ARHGEF15: variants seen among roughly 807,000 people sequenced by gnomAD.
ARHGEF15 encodes Rho guanine nucleotide exchange factor 15, also known as Rho guanine nucleotide exchange factor (GEF) 15.
ARHGEF15 carries 58 observed loss-of-function variants against 79.7 expected under a neutral mutation model. That is an observed-to-expected ratio of 0.73 (90% CI 0.59 to 0.91). ARHGEF15 has a LOEUF of 0.91. ARHGEF15 is among the 40% of genes least tolerant of loss of function. ARHGEF15 has a pLI of 0.00. For synonymous variants in ARHGEF15, 442 were observed against 456.0 expected, an observed-to-expected ratio of 0.97 and a Z score of 0.39; for missense variants, 1,012 against 1,108.1, an observed-to-expected ratio of 0.91 and a Z score of 1.23.
rs1457840370 is a variant in ARHGEF15 at position 8,315,563 on chromosome 17, A to G, written c.1410A>G (p.Gly470=). The G allele has an allele frequency of 6.2e-7, 1 of 1,608,686 alleles. No homozygotes were observed. The highest frequency in any genetic ancestry group is 8.5e-7 in the Non-Finnish European group (1 of 1,179,968). ...TLFSNVQRVQ[G]VSERFLATLL... The stretch of plus-strand genomic sequence containing the variant: ...TCTCCAATGTGCAGCGAGTCCAGGG[A>G]GTCAGCGAGCGGTCAGTGGCTTTCC... The change falls in exon 7 of 16, where the codon GGA becomes GGG. Residue 470 remains glycine, a synonymous_variant. Transcript: ENST00000361926. The surrounding 1 kb of genome is among the most constrained non-coding windows in gnomAD (Gnocchi z 4.3).
At chr17:8,313,631 C>A in intron 4 of ARHGEF15, 76 bp downstream of exon 4, 2 of 1,487,102 alleles carry the variant, frequency 1.3e-6, no homozygotes, top group Non-Finnish European at 1.8e-6. Context: ...TAACCTTCAG[C>A]TCCAGCTAAA....
At chr17:8,311,904 G>C in intron 1 of ARHGEF15, 87 bp from the exon 2 acceptor site, 1 of 855,470 alleles carries the variant, frequency 1.2e-6, no homozygotes, top group Non-Finnish European at 1.7e-6. Context: ...CTTCCCTCCT[G>C]ACTTCAAAAT....
chr17:8,319,248 G>A (rs1333195336), intron 13 of ARHGEF15, 64 bp from the exon 14 acceptor site: 1 of 1,606,044 alleles, frequency 6.2e-7, no homozygotes, highest in Non-Finnish European at 8.5e-7. Flanking sequence ...CTCTTCTGTG[G>A]CTCCTGCCTC....
intron 3 of ARHGEF15, 61 bp from the exon 4 acceptor site, chr17:8,313,439 CG>C: frequency 1.3e-6 from 2 of 1,578,722 alleles, no homozygotes; most frequent in Non-Finnish European, 1.7e-6. Context: ...GGGCTGGAGT[CG>C]GGAGTCCTGG....
chr17:8,319,992 C>T (rs1347704913), intron 15 of ARHGEF15, among the ~76,000 whole-genome samples: 3 of 149,376 alleles, frequency 2.0e-5, no homozygotes, highest in African/African-American at 7.4e-5. Flanking sequence ...GTTGCTCAGG[C>T]TGGTCTTGAA....
Position 8,313,572 on chromosome 17 carries a change from C to T in ARHGEF15, c.989+17C>T. The T allele has an allele frequency of 6.2e-7, 1 of 1,608,432 alleles. No individual in the cohort carries two copies. The highest frequency in any genetic ancestry group is 8.5e-7 in the Non-Finnish European group (1 of 1,178,290). On this transcript the variant is annotated intron_variant, in intron 4 of 15. Transcript: ENST00000361926. Reference sequence around the variant, plus strand: ...GGAGGGGAGGTACTGAACACCCCCACCCCTACTCCCTGGTTCTCTCCCCAC... The same window carrying T: ...GGAGGGGAGGTACTGAACACCCCCATCCCTACTCCCTGGTTCTCTCCCCAC...
In ARHGEF15 at chr17:8,318,403, C is replaced by T. The variant is rs768707221; in HGVS notation, c.1721C>T (p.Thr574Ile). The part of the protein sequence containing the change: ...RMLLQNILRQ[T>I]EEGSSRQENA... ...TGTCCCCAGAATATCCTGCGCCAGA[C>T]AGAAGAGGGGTCCAGCCGTCAGGAG... Residue 574 changes from threonine (T) to isoleucine (I), a missense_variant, in exon 10 of 16, where the codon ACA becomes ATA. Physicochemically the swap from Thr to Ile is moderately conservative, Grantham distance 89. Transcript: ENST00000361926. The surrounding 1 kb of genome is among the most constrained non-coding windows in gnomAD (Gnocchi z 5.0). 2 of 1,614,006 alleles carry T rather than the reference C, an allele frequency of 1.2e-6. No individual in the cohort carries two copies. The highest frequency in any genetic ancestry group is 2.2e-5 in the East Asian group (1 of 44,858).
At position 8,310,340 on chromosome 17, in the gene ARHGEF15, A is replaced by G. The variant is rs1230907420; in HGVS notation, c.-53A>G. 2.0e-5 allele frequency: 3 copies of G among 152,218 alleles called. No homozygotes were observed. The highest frequency in any genetic ancestry group is 7.2e-5 in the African/African-American group (3 of 41,428). 9.4% of individuals were successfully genotyped at this position (152,218 alleles called of 1,614,324 possible). A position where few individuals can be genotyped will look rare whatever the true frequency, so the allele number is the denominator to read the frequency against. On this transcript the variant is annotated 5_prime_UTR_variant, in exon 1 of 16. The change creates a new upstream start codon in the 5' untranslated region. Coordinates refer to ENST00000361926, the MANE Select transcript of ARHGEF15 (RefSeq NM_173728.4). ...AAATAGCAACTGGTTCCAAAAAGAT[A>G]AAGGTAAATTCATGGGGACCTACTG...
At position 8,315,573 on chromosome 17, in the gene ARHGEF15, C is replaced by T. The variant is rs562206017; in HGVS notation, c.1420C>T (p.Arg474Trp). 6.2e-6 allele frequency: 10 copies of T among 1,607,526 alleles called. No individual in the cohort carries two copies. The African/African-American group carries it at 1.2e-4, about 19-fold the overall frequency. ...GCAGCGAGTCCAGGGAGTCAGCGAG[C>T]GGTCAGTGGCTTTCCGTCCTTCCAG... ...NVQRVQGVSE[R>W]FLATLLSRVR... Residue 474 changes from arginine to tryptophan, a missense_variant and splice_region_variant, in exon 7 of 16, where the codon CGG becomes TGG. This residue lies in a region of ARHGEF15 where 818 missense variants were observed against 882.5 expected (regional missense o/e 0.93). Coordinates refer to ENST00000361926, the MANE Select transcript of ARHGEF15 (RefSeq NM_173728.4). This position sits in a 1 kb window ranked among gnomAD's most constrained non-coding sequence, Gnocchi z 4.3.
intron 2 of ARHGEF15, 111 bp from the exon 3 acceptor site, chr17:8,312,811 T>C: frequency 6.5e-7 from 1 of 1,549,854 alleles, no homozygotes; most frequent in Non-Finnish European, 8.8e-7. Flanking sequence ...GATCTATAGA[T>C]GCCTGGACCT....
intron 4 of ARHGEF15, chr17:8,314,005 T>C (rs966191365): frequency 4.0e-5 from 6 of 150,844 alleles, no homozygotes; most frequent in African/African-American, 1.5e-4. Flanking sequence ...CACTCCAGCC[T>C]GGTCGACAAG....
In ARHGEF15 at chr17:8,314,897, T is replaced by C; in HGVS notation, c.990-9T>C. The C allele has an allele frequency of 6.2e-7, 1 of 1,613,678 alleles. No homozygotes were observed. Among genetic ancestry groups the C allele is most frequent in the Non-Finnish European group, 8.5e-7 (1 of 1,179,886 alleles). ...CCCTGGGGACTTCCTTCCCTTTCTTTCTCCACAGGGAAGAGGAGGGGCTAG... is the reference window on the plus strand; with the variant it reads ...CCCTGGGGACTTCCTTCCCTTTCTTCCTCCACAGGGAAGAGGAGGGGCTAG... On this transcript the variant is annotated splice_polypyrimidine_tract_variant and intron_variant, in intron 4 of 15. Transcript: ENST00000361926.
At position 8,318,820 on chromosome 17, in the gene ARHGEF15, G is replaced by C. The variant is rs981112376; in HGVS notation, c.1943G>C (p.Arg648Thr). The C allele has an allele frequency of 2.5e-6, 4 of 1,613,294 alleles. No individual in the cohort carries two copies. In the African/African-American group the frequency reaches 5.3e-5, roughly 22 times the overall value. ...QGELTELGCR[R>T]GGVLFASRPR... Reference sequence around the variant, plus strand: ...GAGCTGACTGAGTTAGGGTGCCGGAGGGGGGGCGTGCTCTTTGCCTCGCGC... The same window carrying C: ...GAGCTGACTGAGTTAGGGTGCCGGACGGGGGGCGTGCTCTTTGCCTCGCGC... Residue 648 changes from arginine to threonine, a missense_variant, in exon 12 of 16, where the codon AGG (arginine) becomes ACG (threonine). Arg to Thr is a moderately conservative substitution (Grantham distance 71). This residue lies in a region of ARHGEF15 where 818 missense variants were observed against 882.5 expected (regional missense o/e 0.93). Transcript: ENST00000361926. This position sits in a 1 kb window ranked among gnomAD's most constrained non-coding sequence, Gnocchi z 5.0.
chr17:8,320,752 C>T, intron 15 of ARHGEF15, 90 bp from the exon 16 acceptor site: 1 of 1,187,698 alleles, frequency 8.4e-7, no homozygotes, highest in Non-Finnish European at 1.2e-6. Context: ...TACAATGACC[C>T]TGAAGGCCTG....
chr17:8,312,244 T>A lies in ARHGEF15; in HGVS notation c.205T>A (p.Ser69Thr). Residue 69 changes from serine to threonine, a missense_variant, in exon 2 of 16, where the codon TCC (serine) becomes ACC (threonine). Around this residue, in one of 3 missense-constraint regions of ARHGEF15, gnomAD observed 818 missense variants for 882.5 expected, o/e 0.93. Coordinates refer to ENST00000361926, the MANE Select transcript of ARHGEF15 (RefSeq NM_173728.4). ...CATCTTCTGGGAGCCCCCAGCTGCA[T>A]CCCTCAAGCCCCCTGCTCTTTTGCC... ...TPIFWEPPAA[S>T]LKPPALLPPS... The A allele has an allele frequency of 7.2e-7, 1 of 1,383,380 alleles. No individual in the cohort carries two copies. The highest frequency in any genetic ancestry group is 1.6e-5 in the African/African-American group (1 of 62,696). 85.7% of individuals were successfully genotyped at this position (1,383,380 alleles called of 1,614,324 possible).
At chr17:8,312,773 G>A (rs763042060) in intron 2 of ARHGEF15, 133 bp downstream of exon 2, 13 of 1,577,308 alleles carry the variant, frequency 8.2e-6, no homozygotes, top group South Asian at 2.2e-5. Context: ...TCTGTATGTC[G>A]GGATTTGAAG....
In ARHGEF15 at chr17:8,313,046, C is replaced by T; in HGVS notation, c.726C>T (p.Ser242=). 1.9e-6 allele frequency: 3 copies of T among 1,613,572 alleles called. No individual in the cohort carries two copies. Among genetic ancestry groups the T allele is most frequent in the Non-Finnish European group, 2.5e-6 (3 of 1,179,826 alleles). The part of the protein sequence containing the change: ...EEVPRVPRRA[S]PLRTSRSRPH... ...TCCCCAGGGTCCCCCGTCGGGCCTC[C>T]CCGCTGCGGACCTCTCGCTCCCGCC... Residue 242 remains serine (S), a synonymous_variant, in exon 3 of 16, where the codon TCC becomes TCT. Transcript: ENST00000361926.
In ARHGEF15 at chr17:8,318,954, A is replaced by T. The variant is rs1441003238; in HGVS notation, c.2033+44A>T. 6.2e-7 allele frequency: 1 copy of T among 1,609,418 alleles called. No homozygotes were observed. Among genetic ancestry groups the T allele is most frequent in the Non-Finnish European group, 8.5e-7 (1 of 1,178,386 alleles). ...AGGAGCCCAGGCTGGAGTGGGCAGG[A>T]GGGGTCCAGCGGGACCCCTGCTGTC... is the stretch of plus-strand genomic sequence containing the variant. On this transcript the variant is annotated intron_variant, in intron 12 of 15. Transcript: ENST00000361926. This position sits in a 1 kb window ranked among gnomAD's most constrained non-coding sequence, Gnocchi z 5.0.
chr17:8,317,315 G>A (rs1905086764), intron 9 of ARHGEF15, among the ~76,000 whole-genome samples: 1 of 152,056 alleles, frequency 6.6e-6, no homozygotes, highest in Non-Finnish European at 1.5e-5. Flanking sequence ...GGCCAGGCTG[G>A]TCTTGAACTC....
Sources: allele counts gnomAD v4.1 joint callset (sites outside exome capture counted in the v4.1 genomes callset), GRCh38; gene constraint gnomAD v4.1.1; regional missense constraint gnomAD v4.1.1; non-coding constraint Gnocchi (gnomAD v3.1); transcripts MANE v1.5; gene names NCBI Gene and HGNC (gene_info 2026-07-23, HGNC 2026-07-21).